RAI14: variants seen among roughly 807,000 people sequenced by gnomAD.
The protein encoded by RAI14 is retinoic acid induced 14.
RAI14 carries 45 observed loss-of-function variants against 115.4 expected under a neutral mutation model. The ratio of observed to expected loss-of-function variants is 0.39; its 90% confidence interval spans 0.31 to 0.50. The LOEUF is 0.50. Among genes scored for constraint, RAI14 ranks in the 20% least tolerant of loss-of-function variants. The pLI, the probability that RAI14 is intolerant of heterozygous loss-of-function variation, is 0.85. For synonymous variants in RAI14, 371 were observed against 415.4 expected, an observed-to-expected ratio of 0.89 and a Z score of 1.30; for missense variants, 939 against 1,131.2, an observed-to-expected ratio of 0.83 and a Z score of 2.44.
intron 2 of RAI14, among the ~76,000 whole-genome samples, chr5:34,707,893 A>T (rs921771320): frequency 6.6e-6 from 1 of 152,120 alleles, no homozygotes; most frequent in African/African-American, 2.4e-5. Context: ...CAAGCCTCTG[A>T]CCCTCTCTCC....
At chr5:34,757,095 G>A (rs748459088) in intron 2 of RAI14, among the ~76,000 whole-genome samples, 13 of 152,204 alleles carry the variant, frequency 8.5e-5, no homozygotes, top group Non-Finnish European at 1.8e-4. Flanking sequence ...AGAGTGAGCT[G>A]TGGATGAGGT....
In RAI14 at chr5:34,830,714, A is replaced by C. The variant is rs1341521843; in HGVS notation, c.2892A>C (p.Lys964Asn). ...VQGQMDEDVQKVLKQILTMCK... is the reference protein window; with the variant it reads ...VQGQMDEDVQNVLKQILTMCK... ...GCCAGATGGATGAAGATGTCCAGAAAGTACTGAAGCAAATCCTTACCATGT... is the reference window on the plus strand; with the variant it reads ...GCCAGATGGATGAAGATGTCCAGAACGTACTGAAGCAAATCCTTACCATGT... The change falls in exon 18 of 18, where the codon AAA becomes AAC. Residue 964 changes from lysine to asparagine, a missense_variant. Coordinates refer to ENST00000265109, the MANE Select transcript of RAI14 (RefSeq NM_015577.3). 1.2e-6 allele frequency: 2 copies of C among 1,614,204 alleles called. No individual in the cohort carries two copies. The highest frequency in any genetic ancestry group is 3.3e-5 in the Admixed American group (2 of 60,034).
At chr5:34,773,441 A>G (rs905365918) in intron 3 of RAI14, among the ~76,000 whole-genome samples, 3 of 152,260 alleles carry the variant, frequency 2.0e-5, no homozygotes, top group African/African-American at 7.2e-5. Flanking sequence ...GTTTTGGCAC[A>G]GCAAAGGAAA....
chr5:34,797,171 T>C (rs1753638989), intron 4 of RAI14, among the ~76,000 whole-genome samples: 1 of 152,130 alleles, frequency 6.6e-6, no homozygotes, highest in South Asian at 2.1e-4. Context: ...TTCTAATAGG[T>C]TTCTATTAGT....
chr5:34,766,279 G>A (rs1749347757), intron 3 of RAI14, among the ~76,000 whole-genome samples: 1 of 152,158 alleles, frequency 6.6e-6, no homozygotes, highest in South Asian at 2.1e-4. Context: ...CCAACAGCTT[G>A]CACCATTCAC....
chr5:34,738,713 C>T (rs1323520308), intron 2 of RAI14, among the ~76,000 whole-genome samples: 2 of 152,174 alleles, frequency 1.3e-5, no homozygotes, highest in East Asian at 3.8e-4. Context: ...ATCACTGGTC[C>T]AATTGGCCTT....
intron 2 of RAI14, among the ~76,000 whole-genome samples, chr5:34,721,504 T>C (rs1282767640): frequency 1.3e-5 from 2 of 152,070 alleles, no homozygotes; most frequent in Non-Finnish European, 2.9e-5. Context: ...ACCATCTAGA[T>C]TGCAGGGAAA....
chr5:34,757,564 A>G lies in RAI14; in HGVS notation c.133A>G (p.Ser45Gly). ...VASLLGKKGA[S>G]ATKHDSEGKT... ...CTCACTGCTCGGCAAGAAGGGGGCCAGTGCCACCAAACACGACAGTGAGGG... is the reference window on the plus strand; with the variant it reads ...CTCACTGCTCGGCAAGAAGGGGGCCGGTGCCACCAAACACGACAGTGAGGG... Residue 45 changes from serine (S) to glycine (G), a missense_variant, in exon 3 of 18, where the codon AGT becomes GGT. By Grantham distance (56) the Ser-to-Gly change is moderately conservative. Transcript: ENST00000265109. 1.9e-6 allele frequency: 3 copies of G among 1,613,760 alleles called. No individual in the cohort carries two copies. Among genetic ancestry groups the G allele is most frequent in the Non-Finnish European group, 2.5e-6 (3 of 1,179,924 alleles).
intron 3 of RAI14, among the ~76,000 whole-genome samples, chr5:34,781,485 C>T (rs1258773446): frequency 6.6e-6 from 1 of 152,092 alleles, no homozygotes; most frequent in Non-Finnish European, 1.5e-5. Flanking sequence ...TGATAATTAA[C>T]CAAAAGAACT....
At chr5:34,702,215 T>A (rs1205154102) in intron 2 of RAI14, among the ~76,000 whole-genome samples, 1 of 152,138 alleles carries the variant, frequency 6.6e-6, no homozygotes, top group Non-Finnish European at 1.5e-5. Flanking sequence ...CTAGACAACC[T>A]CCTCCTAGCT....
chr5:34,701,985 T>C (rs920432234), intron 2 of RAI14, among the ~76,000 whole-genome samples: 10 of 152,072 alleles, frequency 6.6e-5, no homozygotes, highest in African/African-American at 2.2e-4. Context: ...GCTAATTTTT[T>C]GTATTTTTAG....
intron 4 of RAI14, among the ~76,000 whole-genome samples, chr5:34,798,123 C>T (rs1022345335): frequency 3.9e-5 from 6 of 152,206 alleles, no homozygotes; most frequent in African/African-American, 1.4e-4. Flanking sequence ...GCAACCTCCG[C>T]ATCCCAGGTT....
rs749602020 is a variant in RAI14 at position 34,830,752 on chromosome 5, C to G, written c.2930C>G (p.Ser977Cys). Reference protein sequence around the residue: ...KQILTMCKNQSQKK With the variant: ...KQILTMCKNQCQKK ...ATCCTTACCATGTGTAAAAACCAGT[C>G]TCAAAAGAAGTAAAGTGGATTCCTT... Residue 977 changes from serine (S) to cysteine (C), a missense_variant, in exon 18 of 18, where the codon TCT becomes TGT. Ser to Cys is a moderately radical substitution (Grantham distance 112). Coordinates refer to ENST00000265109, the MANE Select transcript of RAI14 (RefSeq NM_015577.3). The G allele has an allele frequency of 1.2e-6, 2 of 1,614,134 alleles. No individual in the cohort carries two copies. The highest frequency in any genetic ancestry group is 1.7e-6 in the Non-Finnish European group (2 of 1,180,004).
At chr5:34,721,291 G>GTACA (rs1554045899) in intron 2 of RAI14, among the ~76,000 whole-genome samples, 1 of 131,158 alleles carries the variant, frequency 7.6e-6, no homozygotes, top group African/African-American at 2.8e-5. Context: ...ATGTAGATGT[G>GTACA]TATATATATA....
intron 2 of RAI14, among the ~76,000 whole-genome samples, chr5:34,723,229 G>A (rs1208416754): frequency 1.3e-5 from 2 of 151,752 alleles, no homozygotes; most frequent in African/African-American, 2.4e-5. Context: ...CCTATATATA[G>A]ATGTGTATAT....
rs1229742658 is a variant in RAI14, at chr5:34,811,116, A to G, written c.555A>G (p.Gly185=). 3.1e-6 allele frequency: 5 copies of G among 1,613,946 alleles called. No individual in the cohort carries two copies. The highest frequency in any genetic ancestry group is 3.3e-4 in the Middle Eastern group (2 of 6,022). ...GADVNSRNKS[G]RTALMLACEI... ...ATGTCAATTCCAGGAACAAAAGTGGAAGGTACTCCAGAATTAGGCAGAAAT... is the reference window on the plus strand; with the variant it reads ...ATGTCAATTCCAGGAACAAAAGTGGGAGGTACTCCAGAATTAGGCAGAAAT... Residue 185 remains glycine (G), a splice_region_variant and synonymous_variant, in exon 8 of 18, where the codon GGA becomes GGG. Transcript: ENST00000265109.
In RAI14 at chr5:34,823,618, G is replaced by A. The variant is rs1489505948; in HGVS notation, c.1776G>A (p.Lys592=). 1 of 1,614,002 alleles carries A rather than the reference G, an allele frequency of 6.2e-7. No individual in the cohort carries two copies. Among genetic ancestry groups the A allele is most frequent in the South Asian group, 1.1e-5 (1 of 91,022 alleles). ...SYCSVIENMN[K]EKAFLFEKYQ... ...GCTCTGTTATTGAGAATATGAATAA[G>A]GAGAAAGCATTTTTGTTTGAGAAAT... Residue 592 remains lysine, a synonymous_variant, in exon 15 of 18, where the codon AAG becomes AAA. Transcript: ENST00000265109. This position sits in a 1 kb window ranked among gnomAD's most constrained non-coding sequence, Gnocchi z 4.5.
intron 2 of RAI14, chr5:34,715,922 G>A (rs964957324): frequency 1.0e-5 from 3 of 288,138 alleles, no homozygotes; most frequent in African/African-American, 2.3e-5. Flanking sequence ...TACAATACTG[G>A]ACACTTTAAA....
Position 34,752,701 on chromosome 5 carries a change from ATATGTGTGTGTG to A in RAI14, c.37-4765_37-4754del, listed in dbSNP as rs1437083853. On this transcript the variant is annotated intron_variant, in intron 2 of 17. Transcript: ENST00000265109. ...TAAGAAATATCTATATTTCTTACATATATGTGTGTGTGTGTGTGTGTGTGTGTGTGTGTGTGT... is the reference window on the plus strand; with the variant it reads ...TAAGAAATATCTATATTTCTTACATATGTGTGTGTGTGTGTGTGTGTGTGT... Among the ~76,000 whole-genome samples, 418 of 90,130 alleles carry A rather than the reference ATATGTGTGTGTG, an allele frequency of 4.6e-3. 29 individuals carry two copies. Among genetic ancestry groups the A allele is most frequent in the Middle Eastern group, 0.012 (2 of 166 alleles). 59.1% of individuals were successfully genotyped at this position (90,130 alleles called of 152,430 possible).
Sources: gnomAD v4.1 joint callset for allele counts (sites outside exome capture counted in the v4.1 genomes callset) on GRCh38, gnomAD v4.1.1 for gene constraint, Gnocchi (gnomAD v3.1) non-coding constraint, MANE v1.5 for transcripts, NCBI Gene and HGNC (gene_info 2026-07-23, HGNC 2026-07-21) for gene names.